TMPRSS11E: variants seen among roughly 807,000 people sequenced by gnomAD.
TMPRSS11E encodes transmembrane serine protease 11E, also known as transmembrane protease serine 11E.
Under a neutral mutation model 48.1 loss-of-function variants are expected in TMPRSS11E, and 38 were observed. The observed-to-expected ratio is 0.79, with a 90% CI of 0.61 to 1.04. TMPRSS11E has a LOEUF of 1.04. Ranked by LOEUF, TMPRSS11E falls within the 50% of genes least tolerant of loss-of-function variation. The pLI is 0.00. For synonymous variants in TMPRSS11E, 158 were observed against 171.9 expected, an observed-to-expected ratio of 0.92 and a Z score of 0.63; for missense variants, 530 against 510.8, an observed-to-expected ratio of 1.04 and a Z score of -0.36.
rs905677949 is a variant in TMPRSS11E at position 68,497,452 on chromosome 4, A to G, written c.*648A>G. 6.6e-6 allele frequency: 1 copy of G among 152,146 alleles called. No homozygotes were observed. Among genetic ancestry groups the G allele is most frequent in the Non-Finnish European group, 1.5e-5 (1 of 68,002 alleles). The allele number at this position is 152,146 out of a possible 1,614,324, so 9.4% of individuals were successfully genotyped here. A position where few individuals can be genotyped will look rare whatever the true frequency, so the allele number is the denominator to read the frequency against. On this transcript the variant is annotated 3_prime_UTR_variant, in exon 10 of 10. Coordinates refer to ENST00000305363, the MANE Select transcript of TMPRSS11E (RefSeq NM_014058.4). ...TTATTTTCATTTCCAAACAACTACT[A>G]TGATAAATGTGAAGAAGATTCTGTT...
chr4:68,461,619 A>C (rs527381209), intron 1 of TMPRSS11E, among the ~76,000 whole-genome samples: 95 of 152,332 alleles, frequency 6.2e-4, no homozygotes, highest in African/African-American at 1.9e-3. Flanking sequence ...AAACCCAAGC[A>C]CAAAAGTCAA....
chr4:68,474,697 C>G (rs889720345), intron 5 of TMPRSS11E, 26 bp from the exon 6 acceptor site: 6 of 1,605,122 alleles, frequency 3.7e-6, no homozygotes, highest in Non-Finnish European at 5.1e-6. Context: ...TGTGCTGACC[C>G]TATTTGCCAT....
At chr4:68,478,119 C>A in intron 8 of TMPRSS11E, among the ~76,000 whole-genome samples, 1 of 148,666 alleles carries the variant, frequency 6.7e-6, no homozygotes, top group Non-Finnish European at 1.5e-5. Flanking sequence ...TTGTTCTAAA[C>A]ATATGTAGTC....
Position 68,497,441 on chromosome 4 carries a change from A to C in TMPRSS11E, c.*637A>C, listed in dbSNP as rs1039987563. The C allele has an allele frequency of 6.6e-6, 1 of 152,154 alleles. No homozygotes were observed. Among genetic ancestry groups the C allele is most frequent in the African/African-American group, 2.4e-5 (1 of 41,452 alleles). 9.4% of individuals were successfully genotyped at this position (152,154 alleles called of 1,614,324 possible). On this transcript the variant is annotated 3_prime_UTR_variant, in exon 10 of 10. Transcript: ENST00000305363. ...AAGATATATCCTTATTTTCATTTCC[A>C]AACAACTACTATGATAAATGTGAAG...
intron 3 of TMPRSS11E, 103 bp from the exon 4 acceptor site, chr4:68,468,776 T>C (rs1032256282): frequency 2.3e-6 from 2 of 887,462 alleles, no homozygotes; most frequent in African/African-American, 3.3e-5. Flanking sequence ...GTCAATGTTT[T>C]TTGCTCTGTT....
At position 68,496,833 on chromosome 4, in the gene TMPRSS11E, A is replaced by C; in HGVS notation, c.*29A>C. 1 of 1,525,578 alleles carries C rather than the reference A, an allele frequency of 6.6e-7. No individual in the cohort carries two copies. Among genetic ancestry groups the C allele is most frequent in the Admixed American group, 2.0e-5 (1 of 48,976 alleles). The allele number at this position is 1,525,578 out of a possible 1,614,324, so 94.5% of individuals were successfully genotyped here. ...AGAAAAGCCTCATGGAACAGATAAC[A>C]TTTTTTTTTGTTTTTTGGGTGTGGA... On this transcript the variant is annotated 3_prime_UTR_variant, in exon 10 of 10. Transcript: ENST00000305363.
chr4:68,466,816 C>A (rs1427468488), intron 3 of TMPRSS11E, 64 bp downstream of exon 3: 3 of 1,596,748 alleles, frequency 1.9e-6, no homozygotes, highest in Non-Finnish European at 2.6e-6. Flanking sequence ...TTTTAGCATC[C>A]TAGCTTCTAA....
In TMPRSS11E at chr4:68,468,943, T is replaced by G. The variant is rs1350145045; in HGVS notation, c.323T>G (p.Phe108Cys). 2 of 1,609,946 alleles carry G rather than the reference T, an allele frequency of 1.2e-6. No individual in the cohort carries two copies. Among genetic ancestry groups the G allele is most frequent in the Non-Finnish European group, 1.7e-6 (2 of 1,176,770 alleles). ...EEFVKSQVIK[F>C]SQQKHGVLAH... ...TTTGTCAAGTCTCAGGTTATCAAGT[T>G]CAGGTATGTAAATCTGAATTGCTGA... The change falls in exon 4 of 10, where the codon TTC (phenylalanine) becomes TGC (cysteine). Residue 108 changes from phenylalanine (F) to cysteine (C), a missense_variant. Phe to Cys is a radical substitution (Grantham distance 205). Coordinates refer to ENST00000305363, the MANE Select transcript of TMPRSS11E (RefSeq NM_014058.4).
At chr4:68,452,365 G>C (rs1728520901) in intron 1 of TMPRSS11E, among the ~76,000 whole-genome samples, 1 of 151,666 alleles carries the variant, frequency 6.6e-6, no homozygotes. Context: ...ATTTAGAGAG[G>C]GTACATATCG....
At chr4:68,480,060 G>A (rs1729360502) in intron 9 of TMPRSS11E, among the ~76,000 whole-genome samples, 1 of 152,192 alleles carries the variant, frequency 6.6e-6, no homozygotes, top group South Asian at 2.1e-4. Flanking sequence ...CTGTGTTCAA[G>A]AGTTTGTCTT....
In TMPRSS11E at chr4:68,491,862, G is replaced by A. The variant is rs529143505; in HGVS notation, c.1111-4781G>A. ...TTAATGTTATTCCTTTCATGCTTTC[G>A]CATGAACACTATCTGTATTGCCTTC... is the stretch of plus-strand genomic sequence containing the variant. On this transcript the variant is annotated intron_variant, in intron 9 of 9. Coordinates refer to ENST00000305363, the MANE Select transcript of TMPRSS11E (RefSeq NM_014058.4). Among the ~76,000 whole-genome samples, 47 of 109,702 alleles carry A rather than the reference G, an allele frequency of 4.3e-4. No individual in the cohort carries two copies. The South Asian group carries it at 5.0e-3, about 12-fold the overall frequency. The allele number at this position is 109,702 out of a possible 152,430, so 72.0% of individuals were successfully genotyped here. A position where few individuals can be genotyped will look rare whatever the true frequency, so the allele number is the denominator to read the frequency against.
At chr4:68,449,149 G>T (rs886984118) in intron 1 of TMPRSS11E, among the ~76,000 whole-genome samples, 1 of 151,024 alleles carries the variant, frequency 6.6e-6, no homozygotes, top group Non-Finnish European at 1.5e-5. Context: ...AGAATTTAAG[G>T]GTAGGAAAAA....
chr4:68,476,240 C>A (rs1337980857), intron 6 of TMPRSS11E, 21 bp from the exon 7 acceptor site: 2 of 1,612,238 alleles, frequency 1.2e-6, no homozygotes, highest in African/African-American at 1.3e-5. Context: ...CACCAATGCA[C>A]CCCCCCTCTC....
chr4:68,466,665 G>T lies in TMPRSS11E; in HGVS notation c.171G>T (p.Leu57Phe), dbSNP rs1269384668. The change falls in exon 3 of 10, where the codon TTG (leucine) becomes TTT (phenylalanine). Residue 57 changes from leucine to phenylalanine, a missense_variant. Physicochemically the swap from Leu to Phe is conservative, Grantham distance 22. Transcript: ENST00000305363. ...QKKTYNYYST[L>F]SFTTDKLYAE... is the part of the protein sequence containing the mutation. ...AGACCTACAATTACTATAGCACATT[G>T]TCATTTACAACTGACAAACTATATG... The T allele has an allele frequency of 1.2e-6, 2 of 1,613,476 alleles. No individual in the cohort carries two copies. Among genetic ancestry groups the T allele is most frequent in the Non-Finnish European group, 8.5e-7 (1 of 1,179,664 alleles).
intron 9 of TMPRSS11E, among the ~76,000 whole-genome samples, chr4:68,481,989 T>C (rs182176026): frequency 6.6e-6 from 1 of 152,066 alleles, no homozygotes; most frequent in African/African-American, 2.4e-5. Flanking sequence ...AAAGCCAATA[T>C]TAGGTAATGT....
At chr4:68,463,820 A>G (rs540978190) in intron 2 of TMPRSS11E, among the ~76,000 whole-genome samples, 8 of 152,182 alleles carry the variant, frequency 5.3e-5, no homozygotes, top group Non-Finnish European at 7.3e-5. Context: ...GATAATATCA[A>G]ATGAATCATG....
At chr4:68,478,319 T>C (rs1204030531) in intron 8 of TMPRSS11E, among the ~76,000 whole-genome samples, 1 of 151,468 alleles carries the variant, frequency 6.6e-6, no homozygotes, top group Non-Finnish European at 1.5e-5. Context: ...AATTTTTCCA[T>C]TTTTAGTAGA....
At position 68,490,829 on chromosome 4, in the gene TMPRSS11E, G is replaced by A. The variant is rs1359255690; in HGVS notation, c.1111-5814G>A. On this transcript the variant is annotated intron_variant, in intron 9 of 9. Coordinates refer to ENST00000305363, the MANE Select transcript of TMPRSS11E (RefSeq NM_014058.4). ...GCTGGAGTGCAGTGGTGCCATCTTGGCTCACTGCAACCTCTGCCTCCTAGG... is the reference window on the plus strand; with the variant it reads ...GCTGGAGTGCAGTGGTGCCATCTTGACTCACTGCAACCTCTGCCTCCTAGG... Among the ~76,000 whole-genome samples, 3 of 130,108 alleles carry A rather than the reference G, an allele frequency of 2.3e-5. No individual in the cohort carries two copies. The East Asian group carries it at 7.7e-4, about 34-fold the overall frequency. The allele number at this position is 130,108 out of a possible 152,430, so 85.4% of individuals were successfully genotyped here.
At chr4:68,449,124 T>TATTTG (rs1728425339) in intron 1 of TMPRSS11E, among the ~76,000 whole-genome samples, 1 of 151,688 alleles carries the variant, frequency 6.6e-6, no homozygotes, top group Non-Finnish European at 1.5e-5. Context: ...GAATCAGTTT[T>TATTTG]TTTTTTTTTT....
Sources: allele counts gnomAD v4.1 joint callset (sites outside exome capture counted in the v4.1 genomes callset), GRCh38; gene constraint gnomAD v4.1.1; transcripts MANE v1.5; gene names NCBI Gene and HGNC (gene_info 2026-07-23, HGNC 2026-07-21).